The following USP44 variants were observed in gnomAD, a reference collection of about 807,000 sequenced individuals.
USP44 encodes ubiquitin specific peptidase 44.
A neutral mutation model predicts 69.0 loss-of-function variants in USP44; 61 were observed. That is an observed-to-expected ratio of 0.88 (90% CI 0.72 to 1.09). USP44 has a LOEUF of 1.09. Ranked by LOEUF, USP44 falls within the 50% of genes least tolerant of loss-of-function variation. USP44 has a pLI of 0.00. For missense variants in USP44, 753 were observed against 849.9 expected (o/e 0.89, Z 1.42); for synonymous variants, 297 against 295.4 (o/e 1.01, Z -0.06).
intron 1 of USP44, among the ~76,000 whole-genome samples, chr12:95,550,405 A>C (rs139492064): frequency 2.5e-4 from 38 of 152,284 alleles, no homozygotes; most frequent in Non-Finnish European, 5.3e-4. Context: ...TATATATTTA[A>C]GTGCATAATA....
rs960532520 is a variant in USP44, at chr12:95,548,132, G to T, written c.-71+3140C>A. 1.3e-5 allele frequency: 2 copies of T among 152,250 alleles called. No individual in the cohort carries two copies. Among genetic ancestry groups the T allele is most frequent in the Non-Finnish European group, 2.9e-5 (2 of 68,080 alleles). 9.4% of individuals were successfully genotyped at this position (152,250 alleles called of 1,614,324 possible). ...GGAAGCTGATTTTCAAGCTTTAAGCGGCAGCAGGTGCCGGCAGCGCGGGGA... is the reference window on the plus strand; with the variant it reads ...GGAAGCTGATTTTCAAGCTTTAAGCTGCAGCAGGTGCCGGCAGCGCGGGGA... On this transcript the variant is annotated intron_variant, in intron 1 of 5. Coordinates refer to ENST00000258499, the MANE Select transcript of USP44 (RefSeq NM_032147.5). This position sits in a 1 kb window ranked among gnomAD's most constrained non-coding sequence, Gnocchi z 4.1.
chr12:95,524,595 G>A, intron 4 of USP44, 85 bp downstream of exon 4: 1 of 1,040,386 alleles, frequency 9.6e-7, no homozygotes, highest in Non-Finnish European at 1.4e-6. Context: ...AAAGTAAGGG[G>A]AAAAAATTAT....
intron 1 of USP44, among the ~76,000 whole-genome samples, chr12:95,543,984 A>G (rs1420338947): frequency 1.0e-3 from 151 of 148,910 alleles, no homozygotes; most frequent in Admixed American, 2.2e-3. Flanking sequence ...AAAAAAAAAA[A>G]AAAAAGAAAA....
At chr12:95,536,309 C>T (rs2077202520) in intron 1 of USP44, among the ~76,000 whole-genome samples, 1 of 152,038 alleles carries the variant, frequency 6.6e-6, no homozygotes, top group Non-Finnish European at 1.5e-5. Flanking sequence ...TCCCAAAGTG[C>T]TAGGATTACA....
chr12:95,519,432 A>ACTTTTTTTTTTTTTT (rs199606254), intron 5 of USP44, among the ~76,000 whole-genome samples: 1 of 84,544 alleles, frequency 1.2e-5, no homozygotes, highest in Non-Finnish European at 2.2e-5. Context: ...CTCAATCTGT[A>ACTTTTTTTTTTTTTT]TTTTTTTTTT....
At chr12:95,522,024 C>T (rs918700083) in intron 4 of USP44, 2 of 985,066 alleles carry the variant, frequency 2.0e-6, no homozygotes, top group African/African-American at 3.5e-5. Flanking sequence ...AATGCCCTTA[C>T]CCTGTTATTT....
chr12:95,526,323 A>G (rs573189705), intron 3 of USP44, among the ~76,000 whole-genome samples: 1 of 152,342 alleles, frequency 6.6e-6, no homozygotes, highest in South Asian at 2.1e-4. Flanking sequence ...CTGTAATCCC[A>G]GCGCTTTGGA....
chr12:95,534,156 G>C lies in USP44; in HGVS notation c.101C>G (p.Thr34Arg), dbSNP rs750488207. The C allele has an allele frequency of 1.9e-6, 3 of 1,614,142 alleles. No homozygotes were observed. The highest frequency in any genetic ancestry group is 1.1e-5 in the South Asian group (1 of 91,084). The change falls in exon 2 of 6, where the codon ACG becomes AGG. Residue 34 changes from threonine (T) to arginine (R), a missense_variant. Thr to Arg is a moderately conservative substitution (Grantham distance 71). Coordinates refer to ENST00000258499, the MANE Select transcript of USP44 (RefSeq NM_032147.5). ...AAGGCAAGCCCAAATGGACTCGGTC[G>C]TGTTGCAGTCCACACAGTGCCATTT... ...PQKWHCVDCN[T>R]TESIWACLSC...
At chr12:95,526,299 G>A (rs982073802) in intron 3 of USP44, among the ~76,000 whole-genome samples, 10 of 152,212 alleles carry the variant, frequency 6.6e-5, no homozygotes, top group Non-Finnish European at 1.0e-4. Flanking sequence ...TAGGCCGGGC[G>A]CGGTGGCTCG....
rs1238030181 is a variant in USP44 at position 95,533,109 on chromosome 12, T to C, written c.1148A>G (p.His383Arg). The change falls in exon 2 of 6, where the codon CAT becomes CGT. Residue 383 changes from histidine to arginine, a missense_variant. Transcript: ENST00000258499. Reference protein sequence around the residue: ...EPTSQYISLCHELHTLFQVMW... With the variant: ...EPTSQYISLCRELHTLFQVMW... ...GACTTGGAACAAAGTATGCAATTCA[T>C]GACAAAGAGAAATGTACTGTGAAGT... is the stretch of plus-strand genomic sequence containing the variant. The C allele has an allele frequency of 1.2e-6, 2 of 1,614,244 alleles. No homozygotes were observed. Among genetic ancestry groups the C allele is most frequent in the Non-Finnish European group, 1.7e-6 (2 of 1,180,048 alleles).
At chr12:95,520,933 G>C in intron 5 of USP44, 64 bp downstream of exon 5, 2 of 1,466,092 alleles carry the variant, frequency 1.4e-6, no homozygotes, top group Non-Finnish European at 9.5e-7. Context: ...TTTAGAAATC[G>C]GTTAAAGCCT....
chr12:95,529,673 G>A (rs1261318933), intron 2 of USP44, among the ~76,000 whole-genome samples: 3 of 152,042 alleles, frequency 2.0e-5, no homozygotes, highest in African/African-American at 4.8e-5. Context: ...CGCCCACCTC[G>A]GCCTGCCAAA....
upstream of USP44, chr12:95,551,588 A>T (rs1472592079): frequency 2.0e-5 from 3 of 152,652 alleles, no homozygotes; most frequent in Admixed American, 6.5e-5. Context: ...TTCTATTTGC[A>T]TCGTAACCTC....
In USP44 at chr12:95,521,064, C is replaced by T; in HGVS notation, c.1872G>A (p.Val624=). ...PECFIYDLSA[V]VMHHGKGFGS... is the part of the protein sequence containing the mutation. ...CAAATCCTTTCCCATGGTGCATCAC[C>T]ACCGCGGACAAGTCATAGATAAAGC... The change falls in exon 5 of 6, where the codon GTG becomes GTA. Residue 624 remains valine, a synonymous_variant. Coordinates refer to ENST00000258499, the MANE Select transcript of USP44 (RefSeq NM_032147.5). 1 of 1,614,166 alleles carries T rather than the reference C, an allele frequency of 6.2e-7. No individual in the cohort carries two copies. Among genetic ancestry groups the T allele is most frequent in the Non-Finnish European group, 8.5e-7 (1 of 1,180,040 alleles).
At chr12:95,536,399 C>G (rs1381440322) in intron 1 of USP44, among the ~76,000 whole-genome samples, 2 of 152,046 alleles carry the variant, frequency 1.3e-5, no homozygotes, top group African/African-American at 4.8e-5. Context: ...CTAAAAATTT[C>G]CAGAGGTTTA....
intron 1 of USP44, among the ~76,000 whole-genome samples, chr12:95,550,857 C>T (rs12228220): frequency 0.18 from 26,846 of 151,880 alleles, 2,772 homozygotes; most frequent in African/African-American, 0.29. Context: ...CAATAAAATG[C>T]CTTAATACAA....
chr12:95,542,771 A>C (rs569353017), intron 1 of USP44, among the ~76,000 whole-genome samples: 33 of 149,612 alleles, frequency 2.2e-4, no homozygotes, highest in Admixed American at 6.7e-4. Flanking sequence ...CCAAAACACA[A>C]AAAAAAACAA....
chr12:95,533,856 T>G lies in USP44; in HGVS notation c.401A>C (p.Asp134Ala). 1 of 1,614,114 alleles carries G rather than the reference T, an allele frequency of 6.2e-7. No individual in the cohort carries two copies. Among genetic ancestry groups the G allele is most frequent in the Non-Finnish European group, 8.5e-7 (1 of 1,180,006 alleles). Residue 134 changes from aspartate to alanine, a missense_variant, in exon 2 of 6, where the codon GAC becomes GCC. Coordinates refer to ENST00000258499, the MANE Select transcript of USP44 (RefSeq NM_032147.5). Reference protein sequence around the residue: ...GTGDDSYFLHDGAQSLLQSED... With the variant: ...GTGDDSYFLHAGAQSLLQSED... ...ACTTTGAAGCAGAGATTGGGCACCG[T>G]CATGTAAGAAATAAGAATCATCACC...
At chr12:95,543,417 A>G (rs188363050) in intron 1 of USP44, among the ~76,000 whole-genome samples, 9 of 150,286 alleles carry the variant, frequency 6.0e-5, no homozygotes, top group South Asian at 2.1e-4. Context: ...AAAAAAAAAA[A>G]AAAAAAAAAA....
Sources: gnomAD v4.1 joint callset for allele counts (sites outside exome capture counted in the v4.1 genomes callset) on GRCh38, gnomAD v4.1.1 for gene constraint, Gnocchi (gnomAD v3.1) non-coding constraint, MANE v1.5 for transcripts, NCBI Gene and HGNC (gene_info 2026-07-23, HGNC 2026-07-21) for gene names.